GSG1L: variants seen among roughly 807,000 people sequenced by gnomAD.
GSG1L encodes germ cell-specific gene 1-like protein.
In GSG1L, 24 loss-of-function variants were observed where a neutral mutation model predicts 42.1. The observed-to-expected ratio is 0.57, with a 90% CI of 0.41 to 0.80. The LOEUF (loss-of-function observed/expected upper bound fraction) is 0.80. Ranked by LOEUF, GSG1L falls within the 30% of genes least tolerant of loss-of-function variation. The pLI is 0.00. For missense variants in GSG1L, 445 were observed against 472.2 expected (o/e 0.94, Z 0.53); for synonymous variants, 215 against 203.5 (o/e 1.06, Z -0.48).
At chr16:27,803,157 C>G (rs1451287378) in intron 6 of GSG1L, among the ~76,000 whole-genome samples, 1 of 152,084 alleles carries the variant, frequency 6.6e-6, no homozygotes, top group Admixed American at 6.5e-5. Context: ...CCTCCTCTCC[C>G]CCGGTCCTCA....
chr16:28,000,446 C>T (rs2085568933), intron 1 of GSG1L, among the ~76,000 whole-genome samples: 1 of 152,208 alleles, frequency 6.6e-6, no homozygotes, highest in Non-Finnish European at 1.5e-5. Flanking sequence ...GCAGATAATC[C>T]ACGAAGAGCT....
At chr16:27,979,737 G>GAA (rs1567543007) in intron 1 of GSG1L, among the ~76,000 whole-genome samples, 18 of 35,636 alleles carry the variant, frequency 5.1e-4, no homozygotes, top group African/African-American at 1.2e-3. Context: ...GAAAGAAAAA[G>GAA]AAAGAAAGAA....
In GSG1L at chr16:27,798,840, C is replaced by A. The variant is rs1256843215; in HGVS notation, c.899-7373G>T. On this transcript the variant is annotated intron_variant, in intron 6 of 6. Transcript: ENST00000447459. ...TAGAAGAACCATGTCATAGCTTTAG[C>A]TTGGAGTCAGACAGGCTTGTGACCC... Among the ~76,000 whole-genome samples the A allele has an allele frequency of 3.3e-5, 5 of 152,266 alleles. No individual in the cohort carries two copies. The East Asian group carries it at 7.7e-4, about 24-fold the overall frequency.
At chr16:27,961,086 G>A (rs953595255) in intron 2 of GSG1L, among the ~76,000 whole-genome samples, 3 of 152,214 alleles carry the variant, frequency 2.0e-5, no homozygotes, top group East Asian at 1.9e-4. Context: ...CACACAACCC[G>A]TATGTGCTCA....
chr16:27,950,425 G>C (rs1555510306), intron 2 of GSG1L, among the ~76,000 whole-genome samples: 1 of 152,130 alleles, frequency 6.6e-6, no homozygotes, highest in Non-Finnish European at 1.5e-5. Context: ...TGATCTCCAG[G>C]AGCAATCTTC....
chr16:27,798,855 G>T (rs2082850059), intron 6 of GSG1L, among the ~76,000 whole-genome samples: 1 of 152,082 alleles, frequency 6.6e-6, no homozygotes, highest in Non-Finnish European at 1.5e-5. Flanking sequence ...AGTCAGACAG[G>T]CTTGTGACCC....
At chr16:27,976,667 G>T (rs1440104623) in intron 1 of GSG1L, among the ~76,000 whole-genome samples, 1 of 152,232 alleles carries the variant, frequency 6.6e-6, no homozygotes, top group Non-Finnish European at 1.5e-5. Flanking sequence ...CCACGAGGCA[G>T]CAGACTTAAG....
intron 2 of GSG1L, among the ~76,000 whole-genome samples, chr16:27,962,845 T>C (rs1255552261): frequency 6.6e-6 from 1 of 152,148 alleles, no homozygotes; most frequent in Non-Finnish European, 1.5e-5. Flanking sequence ...CAGTCTTGCC[T>C]GAACCAAACG....
chr16:27,879,847 G>T (rs2083931306), intron 3 of GSG1L, among the ~76,000 whole-genome samples: 1 of 149,140 alleles, frequency 6.7e-6, no homozygotes, highest in African/African-American at 2.5e-5. Flanking sequence ...TTGTTGTATT[G>T]TTATTTTTTA....
chr16:27,870,863 C>G (rs1317594511), intron 3 of GSG1L, among the ~76,000 whole-genome samples: 1 of 151,444 alleles, frequency 6.6e-6, no homozygotes, highest in Non-Finnish European at 1.5e-5. Flanking sequence ...CTGCCACCAT[C>G]TCCTTGTGGC....
chr16:27,865,622 T>C (rs981911711), intron 3 of GSG1L, among the ~76,000 whole-genome samples: 9 of 141,622 alleles, frequency 6.4e-5, no homozygotes, highest in African/African-American at 1.8e-4. Context: ...CACACACACA[T>C]ATATATGTGT....
intron 4 of GSG1L, among the ~76,000 whole-genome samples, chr16:27,834,198 C>A (rs1317179992): frequency 6.6e-6 from 1 of 152,014 alleles, no homozygotes; most frequent in African/African-American, 2.4e-5. Context: ...TTAATATGGT[C>A]ATGTGATTTT....
chr16:27,891,126 C>T (rs916602473), intron 2 of GSG1L, among the ~76,000 whole-genome samples: 20 of 152,244 alleles, frequency 1.3e-4, no homozygotes, highest in African/African-American at 3.6e-4. Flanking sequence ...GCCGTCCCCC[C>T]GTGCCAAGTG....
At chr16:27,877,387 T>C (rs1420044360) in intron 3 of GSG1L, among the ~76,000 whole-genome samples, 1 of 152,190 alleles carries the variant, frequency 6.6e-6, no homozygotes, top group East Asian at 1.9e-4. Flanking sequence ...ATGACAGTAA[T>C]GGTATAAAGA....
intron 6 of GSG1L, among the ~76,000 whole-genome samples, chr16:27,794,995 A>G (rs1360059787): frequency 2.0e-5 from 3 of 151,968 alleles, no homozygotes; most frequent in African/African-American, 7.2e-5. Flanking sequence ...TGTGCCCTTC[A>G]GCAGCCTGCA....
intron 1 of GSG1L, among the ~76,000 whole-genome samples, chr16:27,993,603 T>C (rs1010122518): frequency 6.6e-6 from 1 of 152,124 alleles, no homozygotes; most frequent in Non-Finnish European, 1.5e-5. Context: ...CCCTGTGCCA[T>C]GGCATTAAAC....
intron 1 of GSG1L, among the ~76,000 whole-genome samples, chr16:28,016,940 G>A (rs1457756511): frequency 1.3e-5 from 2 of 152,174 alleles, no homozygotes; most frequent in East Asian, 3.9e-4. Context: ...GTGCAACTCT[G>A]AGAATCCTAG....
intron 2 of GSG1L, among the ~76,000 whole-genome samples, chr16:27,928,915 C>T (rs117427961): frequency 2.6e-5 from 4 of 152,222 alleles, no homozygotes; most frequent in Admixed American, 2.6e-4. Context: ...TGAAAACTCT[C>T]CAAATCACGG....
intron 3 of GSG1L, chr16:27,863,457 C>A (rs993871179): frequency 6.6e-6 from 1 of 152,162 alleles, no homozygotes; most frequent in Non-Finnish European, 1.5e-5. Flanking sequence ...TCTCTTCCAC[C>A]TTTCTATGTC....
Sources: allele counts gnomAD v4.1 joint callset (sites outside exome capture counted in the v4.1 genomes callset), GRCh38; gene constraint gnomAD v4.1.1; transcripts MANE v1.5; gene names NCBI Gene and HGNC (gene_info 2026-07-23, HGNC 2026-07-21).